Variants in DCC observed in about 807,000 individuals in gnomAD.
DCC encodes netrin receptor DCC.
A neutral mutation model predicts 172.5 loss-of-function variants in DCC; 58 were observed. The observed-to-expected ratio is 0.34, with a 90% confidence interval of 0.27 to 0.42. DCC has a LOEUF of 0.42. Ranked by LOEUF, DCC falls within the 10% of genes least tolerant of loss-of-function variation. The pLI is 1.00. For missense variants in DCC, 1,740 were observed against 1,791.0 expected (o/e 0.97, Z 0.51); for synonymous variants, 709 against 644.5 (o/e 1.10, Z -1.52).
intron 1 of DCC, among the ~76,000 whole-genome samples, chr18:52,363,467 T>C (rs191280938): frequency 6.6e-6 from 1 of 152,260 alleles, no homozygotes; most frequent in Non-Finnish European, 1.5e-5. Context: ...TTCACATTAG[T>C]TGTGTCTTGG....
At chr18:52,733,836 A>T (rs8094526) in intron 1 of DCC, among the ~76,000 whole-genome samples, 13,119 of 152,182 alleles carry the variant, frequency 0.086, 724 homozygotes, top group African/African-American at 0.15. Context: ...GTTTCCATTA[A>T]TGGGTAAACA....
At chr18:52,961,994 C>T (rs1198121964) in intron 5 of DCC, among the ~76,000 whole-genome samples, 5 of 152,122 alleles carry the variant, frequency 3.3e-5, no homozygotes, top group African/African-American at 4.8e-5. Flanking sequence ...AGACCTAAAA[C>T]CATAAAAACC....
intron 2 of DCC, among the ~76,000 whole-genome samples, chr18:52,845,269 T>G (rs996537357): frequency 2.0e-5 from 3 of 152,208 alleles, no homozygotes; most frequent in Non-Finnish European, 4.4e-5. Flanking sequence ...TTACTTCACT[T>G]CAGTGAACTC....
intron 1 of DCC, among the ~76,000 whole-genome samples, chr18:52,702,325 T>A (rs1161956572): frequency 6.6e-6 from 1 of 152,144 alleles, no homozygotes; most frequent in Non-Finnish European, 1.5e-5. Context: ...GCATTTATAA[T>A]ACAGCCCATG....
intron 2 of DCC, among the ~76,000 whole-genome samples, chr18:52,881,942 T>C (rs1274072348): frequency 6.6e-6 from 1 of 152,100 alleles, no homozygotes; most frequent in Non-Finnish European, 1.5e-5. Context: ...ACATGAAATA[T>C]CTTTCTATTT....
intron 1 of DCC, among the ~76,000 whole-genome samples, chr18:52,600,134 T>C (rs553365939): frequency 2.0e-5 from 3 of 152,346 alleles, no homozygotes; most frequent in African/African-American, 7.2e-5. Context: ...GTGTTGAAGT[T>C]TTGTTCTTCA....
At chr18:52,815,021 TG>T (rs2038267481) in intron 2 of DCC, among the ~76,000 whole-genome samples, 1 of 152,032 alleles carries the variant, frequency 6.6e-6, no homozygotes, top group Admixed American at 6.6e-5. Flanking sequence ...ACTTCAACAT[TG>T]CAAAAGTGGG....
intron 1 of DCC, among the ~76,000 whole-genome samples, chr18:52,513,416 C>CA (rs35917199): frequency 0.35 from 53,897 of 151,898 alleles, 9,797 homozygotes; most frequent in Non-Finnish European, 0.38. Flanking sequence ...GTACCCACTT[C>CA]AAGGACTGTG....
intron 27 of DCC, among the ~76,000 whole-genome samples, chr18:53,524,414 A>G (rs2046432530): frequency 6.6e-6 from 1 of 152,058 alleles, no homozygotes; most frequent in African/African-American, 2.4e-5. Context: ...TAGCCCAACA[A>G]TCTCATTTAT....
intron 7 of DCC, among the ~76,000 whole-genome samples, chr18:53,071,835 T>C (rs866047353): frequency 6.6e-6 from 1 of 152,222 alleles, no homozygotes; most frequent in Middle Eastern, 3.4e-3. Flanking sequence ...GGGTTAAGAA[T>C]CAATGTGTTA....
intron 27 of DCC, among the ~76,000 whole-genome samples, chr18:53,504,213 A>G (rs1333422178): frequency 6.6e-6 from 1 of 152,210 alleles, no homozygotes; most frequent in East Asian, 1.9e-4. Flanking sequence ...ATAATGCCTT[A>G]ATACAATTGC....
intron 1 of DCC, among the ~76,000 whole-genome samples, chr18:52,688,129 T>C (rs2035871254): frequency 7.5e-6 from 1 of 133,448 alleles, no homozygotes; most frequent in Admixed American, 7.1e-5. Flanking sequence ...GGATCTTCTT[T>C]TTTTTTTTTT....
chr18:53,195,060 G>A (rs554252958), intron 9 of DCC, among the ~76,000 whole-genome samples: 81 of 152,152 alleles, frequency 5.3e-4, no homozygotes, highest in Non-Finnish European at 4.6e-4. Context: ...CTAGCTCTGC[G>A]ATACAGAAAT....
chr18:52,477,535 C>T (rs1989128331), intron 1 of DCC, among the ~76,000 whole-genome samples: 1 of 152,118 alleles, frequency 6.6e-6, no homozygotes, highest in African/African-American at 2.4e-5. Flanking sequence ...GCATGATTTG[C>T]CTGGTAACAG....
chr18:53,406,647 C>A (rs556020148), intron 19 of DCC, among the ~76,000 whole-genome samples: 6 of 146,720 alleles, frequency 4.1e-5, no homozygotes, highest in African/African-American at 1.5e-4. Flanking sequence ...GGTGTTGCAG[C>A]GAGCCGAGAT....
chr18:53,338,605 A>G (rs2144866166), intron 14 of DCC, among the ~76,000 whole-genome samples: 1 of 152,358 alleles, frequency 6.6e-6, no homozygotes, highest in South Asian at 2.1e-4. Context: ...CGTCTCAACA[A>G]ATAAATAAAT....
chr18:52,567,251 TATTC>T (rs2033181244), intron 1 of DCC, among the ~76,000 whole-genome samples: 1 of 152,164 alleles, frequency 6.6e-6, no homozygotes, highest in African/African-American at 2.4e-5. Flanking sequence ...GTCATTCAAA[TATTC>T]ATTAAGTTGA....
chr18:53,263,262 C>T (rs1233379091), intron 12 of DCC, among the ~76,000 whole-genome samples: 1 of 152,084 alleles, frequency 6.6e-6, no homozygotes, highest in Admixed American at 6.6e-5. Context: ...AGCGATTCTC[C>T]TGCCTCAGCC....
intron 12 of DCC, among the ~76,000 whole-genome samples, chr18:53,217,066 T>C (rs971882793): frequency 2.0e-5 from 3 of 152,032 alleles, no homozygotes; most frequent in African/African-American, 4.8e-5. Flanking sequence ...GGACAGAATA[T>C]AGAAATTGAT....
Sources: allele counts gnomAD v4.1 joint callset (sites outside exome capture counted in the v4.1 genomes callset), GRCh38; gene constraint gnomAD v4.1.1; transcripts MANE v1.5; gene names NCBI Gene and HGNC (gene_info 2026-07-23, HGNC 2026-07-21).